Variants in MROH2B observed in about 807,000 individuals in gnomAD.
MROH2B encodes maestro heat-like repeat-containing protein family member 2B.
Under a neutral mutation model 208.6 loss-of-function variants are expected in MROH2B, and 177 were observed. That is an observed-to-expected ratio of 0.85 (90% confidence interval 0.75 to 0.96). MROH2B has a LOEUF of 0.96. Among genes scored for constraint, MROH2B ranks in the 40% least tolerant of loss-of-function variants. MROH2B has a pLI of 0.00. For synonymous variants in MROH2B, 728 were observed against 659.0 expected, an observed-to-expected ratio of 1.10 and a Z score of -1.60; for missense variants, 2,002 against 1,878.7, an observed-to-expected ratio of 1.07 and a Z score of -1.21.
chr5:41,024,617 A>T (rs1469204902), intron 24 of MROH2B, among the ~76,000 whole-genome samples: 1 of 152,220 alleles, frequency 6.6e-6, no homozygotes, highest in African/African-American at 2.4e-5. Context: ...TCAACATTAG[A>T]CAGATCAATA....
chr5:41,059,201 T>C (rs191747266), intron 6 of MROH2B, among the ~76,000 whole-genome samples: 1 of 152,216 alleles, frequency 6.6e-6, no homozygotes, highest in East Asian at 1.9e-4. Flanking sequence ...TCACCTCCCA[T>C]TCACCTCTCA....
chr5:41,018,112 A>G, intron 27 of MROH2B, 142 bp from the exon 28 acceptor site: 1 of 1,262,366 alleles, frequency 7.9e-7, no homozygotes. Context: ...CTCCTAAAAG[A>G]TGCCTATTTT....
At position 41,070,905 on chromosome 5, in the gene MROH2B, T is replaced by G. The variant is rs1047138513; in HGVS notation, c.-53A>C. On this transcript the variant is annotated 5_prime_UTR_variant, in exon 1 of 42. Coordinates refer to ENST00000399564, the MANE Select transcript of MROH2B (RefSeq NM_173489.5). ...GATAGCACCTAAGTATTAGAAATAG[T>G]AAGGCTAAAAAATCAAAGAGGCAGG... 6.3e-7 allele frequency: 1 copy of G among 1,584,326 alleles called. No homozygotes were observed. Among genetic ancestry groups the G allele is most frequent in the African/African-American group, 1.3e-5 (1 of 74,268 alleles).
intron 21 of MROH2B, 99 bp downstream of exon 21, chr5:41,038,637 C>A: frequency 1.6e-6 from 2 of 1,222,008 alleles, no homozygotes; most frequent in Non-Finnish European, 2.2e-6. Context: ...TAAAAACATA[C>A]CCAAGTCTGG....
chr5:41,039,353 G>A (rs1579938775), intron 20 of MROH2B, 95 bp downstream of exon 20: 1 of 705,214 alleles, frequency 1.4e-6, no homozygotes, highest in African/African-American at 1.8e-5. Context: ...CCTGGGGACA[G>A]GAGTAAGTAT....
At chr5:41,017,159 T>A (rs1188446243) in intron 28 of MROH2B, among the ~76,000 whole-genome samples, 1 of 152,234 alleles carries the variant, frequency 6.6e-6, no homozygotes, top group Non-Finnish European at 1.5e-5. Flanking sequence ...TCTGCAGAAC[T>A]GCACACACAC....
At chr5:41,012,561 T>C (rs1478315247) in intron 30 of MROH2B, 22 bp downstream of exon 30, 6 of 1,601,850 alleles carry the variant, frequency 3.7e-6, no homozygotes, top group Non-Finnish European at 5.1e-6. Flanking sequence ...TGTTCAGTTG[T>C]TAAAACTGGC....
At chr5:41,065,197 C>T (rs996685529) in intron 4 of MROH2B, 134 bp downstream of exon 4, 23 of 916,552 alleles carry the variant, frequency 2.5e-5, no homozygotes, top group Non-Finnish European at 3.5e-5. Context: ...CAGCTGCCCA[C>T]ATCCCTCTGT....
At chr5:41,005,271 T>C (rs1741540537) in intron 35 of MROH2B, 7 of 537,568 alleles carry the variant, frequency 1.3e-5, no homozygotes, top group Admixed American at 1.3e-4. Context: ...ATGCTTTGTT[T>C]GATCCCTCAC....
At chr5:41,065,943 C>T (rs1358292152) in intron 3 of MROH2B, among the ~76,000 whole-genome samples, 1 of 152,136 alleles carries the variant, frequency 6.6e-6, no homozygotes, top group Non-Finnish European at 1.5e-5. Context: ...GTGAGAAACT[C>T]TTGGTAGGTG....
rs78268943 is a variant in MROH2B, at chr5:40,999,405, G to A, written c.4585+272C>T. On this transcript the variant is annotated intron_variant, in intron 40 of 41. Coordinates refer to ENST00000399564, the MANE Select transcript of MROH2B (RefSeq NM_173489.5). ...AGCAAAGATCTGGGGAAAAGAAGGA[G>A]CAAGGACTTGGAGCCAGAAGGAGCA... is the stretch of plus-strand genomic sequence containing the variant. Among the ~76,000 whole-genome samples the A allele has an allele frequency of 7.7e-3, 1,177 of 152,310 alleles. 42 individuals carry two copies. In the East Asian group the frequency reaches 0.13, roughly 17 times the overall value.
chr5:41,042,324 C>A, intron 18 of MROH2B, 116 bp from the exon 19 acceptor site: 3 of 599,262 alleles, frequency 5.0e-6, no homozygotes, highest in South Asian at 2.1e-5. Context: ...GACTTAATAA[C>A]CATGTACCTC....
rs70988830 is a variant in MROH2B at position 41,033,829 on chromosome 5, C to CTATCTATCTTATT, written c.2241+8_2241+9insAATAAGATAGATA. The stretch of plus-strand genomic sequence containing the variant: ...TCTATCTATCTATCTATCTATCTAT[C>CTATCTATCTTATT]TCTCCTACCTTGTTCATCACAGACA... On this transcript the variant is annotated intron_variant, in intron 22 of 41. Transcript: ENST00000399564. 182 of 1,324,998 alleles carry CTATCTATCTTATT rather than the reference C, an allele frequency of 1.4e-4. 4 individuals are homozygous for CTATCTATCTTATT. Among genetic ancestry groups the CTATCTATCTTATT allele is most frequent in the Admixed American group, 5.7e-4 (27 of 47,472 alleles). The allele number at this position is 1,324,998 out of a possible 1,614,324, so 82.1% of individuals were successfully genotyped here. A position where few individuals can be genotyped will look rare whatever the true frequency, so the allele number is the denominator to read the frequency against.
intron 5 of MROH2B, 65 bp downstream of exon 5, chr5:41,064,407 G>T: frequency 7.4e-7 from 1 of 1,348,788 alleles, no homozygotes; most frequent in Non-Finnish European, 1.0e-6. Context: ...CAAGACTTTT[G>T]CTTAATTTGT....
At position 41,061,580 on chromosome 5, in the gene MROH2B, G is replaced by A. The variant is rs1450875415; in HGVS notation, c.605C>T (p.Ser202Leu). Residue 202 changes from serine (S) to leucine (L), a missense_variant, in exon 6 of 42, where the codon TCA becomes TTA. Transcript: ENST00000399564. ...YIMEKWAPLA[S>L]PMQTLSIVKA... ...CTGAGGCCCACTCACCTGCATGGGT[G>A]AGGCCAAAGGGGCCCACTTCTCCAT... 6.2e-7 allele frequency: 1 copy of A among 1,611,532 alleles called. No homozygotes were observed. Among genetic ancestry groups the A allele is most frequent in the Non-Finnish European group, 8.5e-7 (1 of 1,178,620 alleles).
In MROH2B at chr5:41,069,723, C is replaced by G; in HGVS notation, c.58G>C (p.Gly20Arg). Reference sequence around the variant, plus strand: ...ACAATATCTTCCTTGTTCAGCATGCCAAGAGTGAGGTTAATATCCCCAAAC... The same window carrying G: ...ACAATATCTTCCTTGTTCAGCATGCGAAGAGTGAGGTTAATATCCCCAAAC... Reference protein sequence around the residue: ...EMFGDINLTLGMLNKEDIVNK... With the variant: ...EMFGDINLTLRMLNKEDIVNK... The change falls in exon 2 of 42, where the codon GGC becomes CGC. Residue 20 changes from glycine (G) to arginine (R), a missense_variant. Coordinates refer to ENST00000399564, the MANE Select transcript of MROH2B (RefSeq NM_173489.5). 6.2e-7 allele frequency: 1 copy of G among 1,607,366 alleles called. No homozygotes were observed. Among genetic ancestry groups the G allele is most frequent in the Non-Finnish European group, 8.5e-7 (1 of 1,176,240 alleles).
chr5:41,068,526 G>A (rs1472596407), intron 2 of MROH2B, among the ~76,000 whole-genome samples: 3 of 152,092 alleles, frequency 2.0e-5, no homozygotes, highest in Non-Finnish European at 4.4e-5. Context: ...TTAGTGTTAC[G>A]TACTGATGCT....
chr5:41,007,103 T>C (rs1741618950), intron 34 of MROH2B, among the ~76,000 whole-genome samples: 1 of 152,238 alleles, frequency 6.6e-6, no homozygotes, highest in Admixed American at 6.5e-5. Context: ...GATGTTCACC[T>C]GAATCATGTT....
chr5:41,013,531 T>A (rs1741840415), intron 29 of MROH2B, among the ~76,000 whole-genome samples: 1 of 152,212 alleles, frequency 6.6e-6, no homozygotes, highest in Non-Finnish European at 1.5e-5. Flanking sequence ...TTTACAATGG[T>A]CTTCCCTTTG....
Sources: allele counts gnomAD v4.1 joint callset (sites outside exome capture counted in the v4.1 genomes callset), GRCh38; gene constraint gnomAD v4.1.1; transcripts MANE v1.5; gene names NCBI Gene and HGNC (gene_info 2026-07-23, HGNC 2026-07-21).